RASGRF1: variants seen among roughly 807,000 people sequenced by gnomAD.
RASGRF1 encodes the protein ras-specific guanine nucleotide-releasing factor 1.
RASGRF1 carries 40 observed loss-of-function variants against 138.7 expected under a neutral mutation model. That is an observed-to-expected ratio of 0.29 (90% confidence interval 0.22 to 0.38). RASGRF1 has a LOEUF of 0.38. RASGRF1 is among the 10% of genes least tolerant of loss of function. The pLI, the probability that RASGRF1 is intolerant of heterozygous loss-of-function variation, is 1.00. For missense variants in RASGRF1, 1,108 were observed against 1,650.4 expected (o/e 0.67, Z 5.69); for synonymous variants, 614 against 663.2 (o/e 0.93, Z 1.14).
chr15:79,076,247 T>C (rs2057831903), intron 1 of RASGRF1, among the ~76,000 whole-genome samples: 3 of 148,484 alleles, frequency 2.0e-5, no homozygotes, highest in Admixed American at 2.0e-4. Context: ...AAAGAAGCCC[T>C]GTCGCTCAAG....
At chr15:79,034,160 G>A (rs2057185556) in intron 6 of RASGRF1, among the ~76,000 whole-genome samples, 1 of 152,234 alleles carries the variant, frequency 6.6e-6, no homozygotes, top group African/African-American at 2.4e-5. Context: ...GGAGAGCCAG[G>A]CCTGGGTCTG....
At chr15:79,039,346 G>T (rs928312884) in intron 5 of RASGRF1, among the ~76,000 whole-genome samples, 12 of 144,416 alleles carry the variant, frequency 8.3e-5, no homozygotes, top group African/African-American at 2.8e-4. Context: ...ATATGCTTAA[G>T]TCTCTTTCTG....
chr15:78,995,676 A>G lies in RASGRF1; in HGVS notation c.3027+64T>C, dbSNP rs543546791. 4 of 1,569,356 alleles carry G rather than the reference A, an allele frequency of 2.5e-6. No individual in the cohort carries two copies. The Admixed American group carries it at 5.0e-5, about 20-fold the overall frequency. On this transcript the variant is annotated intron_variant, in intron 20 of 26. Transcript: ENST00000558480. ...ATACGGGTGATGCCTGTGATGGGTC[A>G]GGGGTCCTGGGCAGGAGGATGGGGA...
At chr15:79,034,535 TA>T (rs1018731308) in intron 6 of RASGRF1, among the ~76,000 whole-genome samples, 20 of 152,254 alleles carry the variant, frequency 1.3e-4, no homozygotes, top group Admixed American at 1.2e-3. Context: ...CTTCTAACAA[TA>T]AAAAATTGGA....
intron 12 of RASGRF1, among the ~76,000 whole-genome samples, chr15:79,015,808 C>A (rs2056870657): frequency 6.6e-6 from 1 of 152,198 alleles, no homozygotes; most frequent in Non-Finnish European, 1.5e-5. Flanking sequence ...GGATCTCTCT[C>A]CTGGGAGGCC....
Position 79,035,228 on chromosome 15 carries a change from G to T in RASGRF1, c.879-18C>A, listed in dbSNP as rs1336874257. 4.4e-6 allele frequency: 7 copies of T among 1,603,108 alleles called. No individual in the cohort carries two copies. Among genetic ancestry groups the T allele is most frequent in the Admixed American group, 1.7e-5 (1 of 59,480 alleles). ...TGGTTTCGCTGAAAGAGAAAGCACA[G>T]GGTCAGCTCTGCCCCAGGGACTTCC... is the stretch of plus-strand genomic sequence containing the variant. On this transcript the variant is annotated intron_variant, in intron 5 of 26. Coordinates refer to ENST00000558480, the MANE Select transcript of RASGRF1 (RefSeq NM_001145648.3).
At chr15:79,078,099 C>T (rs1452223588) in intron 1 of RASGRF1, among the ~76,000 whole-genome samples, 1 of 142,396 alleles carries the variant, frequency 7.0e-6, no homozygotes, top group Non-Finnish European at 1.6e-5. Flanking sequence ...CGTGATATCC[C>T]AGTGCAGGGA....
chr15:78,998,067 C>T (rs1567479588), intron 19 of RASGRF1, 29 bp downstream of exon 19: 1 of 1,586,242 alleles, frequency 6.3e-7, no homozygotes, highest in Admixed American at 1.7e-5. Flanking sequence ...GCAGGCAGTT[C>T]TGAGCCAGGA....
intron 1 of RASGRF1, among the ~76,000 whole-genome samples, chr15:79,066,147 ATC>A (rs2057677862): frequency 6.6e-6 from 1 of 152,018 alleles, no homozygotes; most frequent in African/African-American, 2.4e-5. Flanking sequence ...CACTTTCCCC[ATC>A]TCTCGAGAGA....
In RASGRF1 at chr15:78,984,465, C is replaced by T. The variant is rs201003749; in HGVS notation, c.3414+542G>A. The stretch of plus-strand genomic sequence containing the variant: ...TTTTATGTTTATGGCTTTTCAGGTT[C>T]ATGTTCTGAGTGAAGAGGGATTGAG... On this transcript the variant is annotated intron_variant, in intron 23 of 26. Transcript: ENST00000558480. The T allele has an allele frequency of 5.8e-5, 10 of 171,024 alleles. No individual in the cohort carries two copies. The East Asian group carries it at 1.5e-3, about 25-fold the overall frequency. 10.6% of individuals were successfully genotyped at this position (171,024 alleles called of 1,614,324 possible).
At chr15:79,077,342 T>C (rs145222251) in intron 1 of RASGRF1, among the ~76,000 whole-genome samples, 45 of 152,284 alleles carry the variant, frequency 3.0e-4, no homozygotes, top group African/African-American at 1.0e-3. Context: ...GGGGACAATA[T>C]TACTCACCTC....
At position 79,006,206 on chromosome 15, in the gene RASGRF1, AG is replaced by A. The variant is rs1567503809; in HGVS notation, c.2054del (p.Pro685LeufsTer59). ...GCCACCTGGCAGGAATGGCACTGAT[AG>A]GCTTCTTGTAGATGGTAATGAGCTT... ...LDKLITIYKKPISAIPARSLE... is the reference protein window; with the variant it reads ...LDKLITIYKKXISAIPARSLE... On this transcript the variant is annotated frameshift_variant, in exon 14 of 27. Coordinates refer to ENST00000558480, the MANE Select transcript of RASGRF1 (RefSeq NM_001145648.3). LOFTEE classifies it high-confidence loss of function. The surrounding 1 kb of genome is among the most constrained non-coding windows in gnomAD (Gnocchi z 4.0). The A allele has an allele frequency of 6.2e-7, 1 of 1,614,182 alleles. No individual in the cohort carries two copies. The highest frequency in any genetic ancestry group is 8.5e-7 in the Non-Finnish European group (1 of 1,180,030).
At chr15:79,077,718 C>T (rs2057855650) in intron 1 of RASGRF1, among the ~76,000 whole-genome samples, 1 of 152,154 alleles carries the variant, frequency 6.6e-6, no homozygotes, top group Non-Finnish European at 1.5e-5. Flanking sequence ...CGTTTTTCCT[C>T]TCTAGTATTT....
chr15:79,052,694 C>A (rs2057449204), intron 3 of RASGRF1, among the ~76,000 whole-genome samples: 1 of 152,204 alleles, frequency 6.6e-6, no homozygotes, highest in Non-Finnish European at 1.5e-5. Context: ...TTTTGAAGGG[C>A]AAACAGGAGT....
At chr15:78,980,982 C>T (rs889084036) in intron 23 of RASGRF1, 15 of 294,910 alleles carry the variant, frequency 5.1e-5, no homozygotes, top group East Asian at 2.7e-4. Flanking sequence ...TGCAGGATCC[C>T]GAGACCTGGG....
chr15:79,053,624 G>A (rs1772758500), intron 3 of RASGRF1, among the ~76,000 whole-genome samples: 1 of 152,272 alleles, frequency 6.6e-6, no homozygotes, highest in African/African-American at 2.4e-5. Flanking sequence ...TTAGAAGGGA[G>A]AGAAGAGACT....
intron 10 of RASGRF1, among the ~76,000 whole-genome samples, chr15:79,023,716 C>G (rs2056999380): frequency 6.6e-6 from 1 of 152,114 alleles, no homozygotes; most frequent in Non-Finnish European, 1.5e-5. Flanking sequence ...TCATGCAGGG[C>G]CGCAAGGTCC....
rs1344260429 is a variant in RASGRF1 at position 79,035,294 on chromosome 15, C to T, written c.879-84G>A. ...GACTGTCCCCAAACCTCCTGCGTGACTTCAGCAGCGAACCCTTTTCTCATG... is the reference window on the plus strand; with the variant it reads ...GACTGTCCCCAAACCTCCTGCGTGATTTCAGCAGCGAACCCTTTTCTCATG... On this transcript the variant is annotated intron_variant, in intron 5 of 26. Transcript: ENST00000558480. 1.3e-5 allele frequency: 14 copies of T among 1,097,964 alleles called. No individual in the cohort carries two copies. The African/African-American group carries it at 1.4e-4, about 11-fold the overall frequency. 68.0% of individuals were successfully genotyped at this position (1,097,964 alleles called of 1,614,324 possible).
At chr15:78,968,467 G>A (rs2141591452) in intron 26 of RASGRF1, among the ~76,000 whole-genome samples, 1 of 151,998 alleles carries the variant, frequency 6.6e-6, no homozygotes, top group South Asian at 2.1e-4. Context: ...CTAGAGATAG[G>A]ATCTCTGATC....
Sources: gnomAD v4.1 joint callset for allele counts (sites outside exome capture counted in the v4.1 genomes callset) on GRCh38, gnomAD v4.1.1 for gene constraint, Gnocchi (gnomAD v3.1) non-coding constraint, MANE v1.5 for transcripts, NCBI Gene and HGNC (gene_info 2026-07-23, HGNC 2026-07-21) for gene names.